AAMDC: variants seen among roughly 807,000 people sequenced by gnomAD.
AAMDC encodes adipogenesis associated Mth938 domain containing, also known as mth938 domain-containing protein.
In AAMDC, 16 loss-of-function variants were observed where a neutral mutation model predicts 15.5. The ratio of observed to expected loss-of-function variants is 1.03; its 90% CI spans 0.70 to 1.57. The LOEUF (loss-of-function observed/expected upper bound fraction) is 1.57. Among genes scored for constraint, AAMDC ranks in the 40% most tolerant of loss-of-function variants. AAMDC has a pLI of 0.00. For missense variants in AAMDC, 141 were observed against 144.9 expected, an observed-to-expected ratio of 0.97 and a Z score of 0.14; for synonymous variants, 51 against 51.6, an observed-to-expected ratio of 0.99 and a Z score of 0.05.
intron 1 of AAMDC, chr11:77,829,608 A>C (rs1949329169): frequency 1.3e-5 from 2 of 152,228 alleles, no homozygotes; most frequent in Non-Finnish European, 2.9e-5. Context: ...ATAATTCAGA[A>C]TGTTTCAGAC....
In AAMDC at chr11:77,857,189, G is replaced by A. The variant is rs557200506; in HGVS notation, c.133-12533G>A. Among the ~76,000 whole-genome samples, 7 of 152,300 alleles carry A rather than the reference G, an allele frequency of 4.6e-5. No homozygotes were observed. The South Asian group carries it at 1.5e-3, about 32-fold the overall frequency. On this transcript the variant is annotated intron_variant, in intron 2 of 3. Transcript: ENST00000393427. ...AGCAAAAAGATAATTGTAATTAAGT[G>A]CCACGGTAGATGAACCAAGAGAGGT...
chr11:77,857,737 C>G (rs1028104554), intron 2 of AAMDC, among the ~76,000 whole-genome samples: 5 of 150,264 alleles, frequency 3.3e-5, no homozygotes, highest in Non-Finnish European at 5.9e-5. Flanking sequence ...CGCTCTGTCA[C>G]CCAGGCTGGA....
downstream of AAMDC, among the ~76,000 whole-genome samples, chr11:77,904,826 GATA>G (rs1175042437): frequency 6.6e-6 from 1 of 152,168 alleles, no homozygotes; most frequent in Non-Finnish European, 1.5e-5. Flanking sequence ...TTGTATGCAG[GATA>G]GTTGCATCAT....
intron 2 of AAMDC, among the ~76,000 whole-genome samples, chr11:77,858,403 C>T (rs111841699): frequency 9.6e-5 from 14 of 146,446 alleles, no homozygotes; most frequent in East Asian, 2.0e-4. Context: ...TTGCCATTGC[C>T]GGCTCGAATG....
At chr11:77,902,558 C>T (rs1020796313), downstream of AAMDC, among the ~76,000 whole-genome samples, 5 of 152,170 alleles carry the variant, frequency 3.3e-5, no homozygotes, top group African/African-American at 1.2e-4. Flanking sequence ...ATGAATTTAA[C>T]CTTGCTGAGC....
chr11:77,878,219 A>G (rs376618156), intron 5 of AAMDC, among the ~76,000 whole-genome samples: 56 of 152,160 alleles, frequency 3.7e-4, no homozygotes, highest in Middle Eastern at 3.4e-3. Context: ...AAAATTAGCA[A>G]GGCGTGGTGA....
intron 5 of AAMDC, among the ~76,000 whole-genome samples, chr11:77,894,868 C>G (rs891777382): frequency 6.6e-6 from 1 of 152,212 alleles, no homozygotes; most frequent in African/African-American, 2.4e-5. Context: ...GTATCGGCAT[C>G]TGGAAACTAG....
intron 5 of AAMDC, among the ~76,000 whole-genome samples, chr11:77,878,158 CAA>C (rs1951653725): frequency 3.3e-5 from 5 of 152,144 alleles, no homozygotes; most frequent in Admixed American, 3.3e-4. Flanking sequence ...GTCAGGAGAT[CAA>C]GACCATCCTG....
intron 5 of AAMDC, among the ~76,000 whole-genome samples, chr11:77,889,591 G>A (rs1292174003): frequency 6.6e-6 from 1 of 152,120 alleles, no homozygotes; most frequent in Non-Finnish European, 1.5e-5. Flanking sequence ...GTTCTGCAGG[G>A]TTTGCTTTAA....
chr11:77,833,007 ATATT>A lies in AAMDC; in HGVS notation c.-18-9470_-18-9467del, dbSNP rs1362207618. On this transcript the variant is annotated intron_variant, in intron 1 of 3. Coordinates refer to ENST00000393427, the MANE Select transcript of AAMDC (RefSeq NM_024684.4). ...TGTGTGTGTGTGTGTGTATATATAT[ATATT>A]TTTTTTTTTTTTTTTTTTGAGACAG... Among the ~76,000 whole-genome samples, 18 of 51,948 alleles carry A rather than the reference ATATT, an allele frequency of 3.5e-4. 2 individuals carry two copies. Among genetic ancestry groups the A allele is most frequent in the African/African-American group, 1.7e-3 (18 of 10,328 alleles). 34.1% of individuals were successfully genotyped at this position (51,948 alleles called of 152,430 possible).
chr11:77,846,203 A>G (rs1029815996), intron 2 of AAMDC, among the ~76,000 whole-genome samples: 4 of 152,082 alleles, frequency 2.6e-5, no homozygotes, highest in Non-Finnish European at 4.4e-5. Context: ...TAATGATTTG[A>G]CTGAGATTTC....
intron 5 of AAMDC, chr11:77,891,404 C>T: frequency 1.4e-5 from 23 of 1,613,198 alleles, no homozygotes; most frequent in Non-Finnish European, 1.9e-5. Flanking sequence ...AGAGGTAAAC[C>T]GCAAAGGGTT....
intron 2 of AAMDC, among the ~76,000 whole-genome samples, chr11:77,858,803 C>T (rs780408768): frequency 2.6e-5 from 4 of 152,138 alleles, no homozygotes; most frequent in Admixed American, 6.5e-5. Flanking sequence ...CAGGGGTCCA[C>T]GGTAGGTCTT....
intron 1 of AAMDC, among the ~76,000 whole-genome samples, chr11:77,834,379 G>C (rs964184844): frequency 2.0e-5 from 3 of 150,990 alleles, no homozygotes; most frequent in Admixed American, 2.0e-4. Flanking sequence ...TTATCAAACT[G>C]AGAAGGGCAT....
At chr11:77,858,830 G>A (rs369103035) in intron 2 of AAMDC, among the ~76,000 whole-genome samples, 5 of 152,262 alleles carry the variant, frequency 3.3e-5, no homozygotes, top group South Asian at 2.1e-4. Context: ...GGACTGCATC[G>A]GGGACTCCAT....
chr11:77,859,144 G>A (rs1278934326), intron 2 of AAMDC, among the ~76,000 whole-genome samples: 1 of 152,198 alleles, frequency 6.6e-6, no homozygotes, highest in Non-Finnish European at 1.5e-5. Context: ...CATCCTGAGG[G>A]GAGGAAACTA....
At chr11:77,851,313 C>T (rs1029058992) in intron 2 of AAMDC, 3 of 152,188 alleles carry the variant, frequency 2.0e-5, no homozygotes, top group African/African-American at 7.2e-5. Flanking sequence ...CAAGAATGTT[C>T]TCTATAACTT....
chr11:77,876,569 G>A (rs541193298), downstream of AAMDC, among the ~76,000 whole-genome samples: 1 of 152,238 alleles, frequency 6.6e-6, no homozygotes, highest in Non-Finnish European at 1.5e-5. Context: ...TCAGGAGCTT[G>A]TTCAACCTCT....
At chr11:77,842,344 AAGAAG>A in intron 1 of AAMDC, 130 bp from the exon 2 acceptor site, 1 of 827,964 alleles carries the variant, frequency 1.2e-6, no homozygotes, top group Middle Eastern at 3.7e-4. Context: ...TAGACCTCTA[AAGAAG>A]AAGTAACAAC....
Sources: gnomAD v4.1 joint callset for allele counts (sites outside exome capture counted in the v4.1 genomes callset) on GRCh38, gnomAD v4.1.1 for gene constraint, MANE v1.5 for transcripts, NCBI Gene and HGNC (gene_info 2026-07-23, HGNC 2026-07-21) for gene names.